Variants in KCNMB2 observed in about 807,000 individuals in gnomAD.
KCNMB2 encodes calcium-activated potassium channel subunit beta-2.
Under a neutral mutation model 24.5 loss-of-function variants are expected in KCNMB2, and 9 were observed. The observed-to-expected ratio is 0.37, with a 90% CI of 0.22 to 0.64. The LOEUF (loss-of-function observed/expected upper bound fraction) is 0.64, where lower values mean the gene tolerates loss of function less well. Among genes scored for constraint, KCNMB2 ranks in the 30% least tolerant of loss-of-function variants. The pLI, the probability that KCNMB2 is intolerant of heterozygous loss-of-function variation, is 0.63. For synonymous variants in KCNMB2, 109 were observed against 104.4 expected, an observed-to-expected ratio of 1.04 and a Z score of -0.27; for missense variants, 226 against 284.3, an observed-to-expected ratio of 0.79 and a Z score of 1.47.
At chr3:178,700,643 T>A (rs1722053991) in intron 1 of KCNMB2, among the ~76,000 whole-genome samples, 1 of 152,176 alleles carries the variant, frequency 6.6e-6, no homozygotes. Context: ...CTAATATGAC[T>A]GAGATTTAGG....
chr3:178,793,619 C>T (rs1362299492), intron 1 of KCNMB2, among the ~76,000 whole-genome samples: 7 of 152,178 alleles, frequency 4.6e-5, no homozygotes, highest in Non-Finnish European at 8.8e-5. Context: ...TGAAGCACCA[C>T]GGCATGAAAT....
In KCNMB2 at chr3:178,581,657, A is replaced by G. The variant is rs148031645; in HGVS notation, c.-68+44946A>G. 5.1e-3 allele frequency among the ~76,000 whole-genome samples: 773 copies of G among 152,350 alleles called. 7 individuals are homozygous for G. The highest frequency in any genetic ancestry group is 0.018 in the African/African-American group (739 of 41,584). On this transcript the variant is annotated intron_variant, in intron 1 of 4. Coordinates refer to ENST00000452583, the MANE Select transcript of KCNMB2 (RefSeq NM_181361.3). Reference sequence around the variant, plus strand: ...AATATCTAGAATCTACAAGGAGCTTAAACAAATTTGCAAGAAAAAAGAACA... The same window carrying G: ...AATATCTAGAATCTACAAGGAGCTTGAACAAATTTGCAAGAAAAAAGAACA...
At chr3:178,712,114 T>C (rs1362095719) in intron 1 of KCNMB2, among the ~76,000 whole-genome samples, 1 of 152,174 alleles carries the variant, frequency 6.6e-6, no homozygotes. Flanking sequence ...TTTGAAAAGG[T>C]CTCTACCTTA....
At chr3:178,705,739 C>G (rs1219713571) in intron 1 of KCNMB2, among the ~76,000 whole-genome samples, 1 of 152,102 alleles carries the variant, frequency 6.6e-6, no homozygotes, top group Non-Finnish European at 1.5e-5. Flanking sequence ...CATTCCTATG[C>G]TTTTGAATGG....
At chr3:178,770,090 C>A (rs1351605339) in intron 1 of KCNMB2, among the ~76,000 whole-genome samples, 2 of 152,208 alleles carry the variant, frequency 1.3e-5, no homozygotes, top group Non-Finnish European at 2.9e-5. Context: ...TGACATATGT[C>A]TACATAGTTA....
At chr3:178,801,433 T>G (rs937787655) in intron 1 of KCNMB2, among the ~76,000 whole-genome samples, 1 of 152,212 alleles carries the variant, frequency 6.6e-6, no homozygotes, top group African/African-American at 2.4e-5. Context: ...AATGCACTCT[T>G]CTTTTCCTCT....
At chr3:178,736,184 T>C (rs1723310932) in intron 1 of KCNMB2, among the ~76,000 whole-genome samples, 1 of 152,196 alleles carries the variant, frequency 6.6e-6, no homozygotes, top group Admixed American at 6.5e-5. Flanking sequence ...TTGAAACTAG[T>C]ATTTCAAATA....
intron 1 of KCNMB2, among the ~76,000 whole-genome samples, chr3:178,554,522 T>A (rs1035019585): frequency 1.3e-5 from 2 of 152,210 alleles, no homozygotes; most frequent in South Asian, 2.1e-4. Flanking sequence ...TAGAACCTTA[T>A]TAGAAATGTC....
chr3:178,806,284 C>A (rs1392180935), intron 1 of KCNMB2, among the ~76,000 whole-genome samples: 1 of 152,168 alleles, frequency 6.6e-6, no homozygotes, highest in Non-Finnish European at 1.5e-5. Context: ...AATATCACTA[C>A]CCACCTTGCA....
At chr3:178,807,705 G>A (rs1469587127) in intron 2 of KCNMB2, among the ~76,000 whole-genome samples, 4 of 152,034 alleles carry the variant, frequency 2.6e-5, no homozygotes, top group African/African-American at 9.7e-5. Flanking sequence ...CATGTCACAA[G>A]CTCTTTGCTT....
At chr3:178,760,971 A>G (rs965906233) in intron 1 of KCNMB2, among the ~76,000 whole-genome samples, 11 of 152,164 alleles carry the variant, frequency 7.2e-5, no homozygotes, top group Non-Finnish European at 1.6e-4. Context: ...ACCACTTGCA[A>G]TTCTGGGCTC....
intron 1 of KCNMB2, among the ~76,000 whole-genome samples, chr3:178,785,715 C>T (rs1326918406): frequency 6.6e-6 from 1 of 152,050 alleles, no homozygotes; most frequent in Non-Finnish European, 1.5e-5. Context: ...ACTTATTCAA[C>T]TGCACACTAA....
rs1398234096 is a variant in KCNMB2 at position 178,722,761 on chromosome 3, T to C, written c.-67-84582T>C. ...TACAAAAATTATCTGGGTGTGGTGA[T>C]GCATGCTTGTGGTCCCAGTTACTCA... On this transcript the variant is annotated intron_variant, in intron 1 of 4. Transcript: ENST00000452583. Among the ~76,000 whole-genome samples the C allele has an allele frequency of 5.3e-5, 8 of 152,224 alleles. No homozygotes were observed. The East Asian group carries it at 9.7e-4, about 18-fold the overall frequency.
chr3:178,704,215 C>G (rs1722201994), intron 1 of KCNMB2, among the ~76,000 whole-genome samples: 1 of 151,942 alleles, frequency 6.6e-6, no homozygotes, highest in Non-Finnish European at 1.5e-5. Flanking sequence ...ATCACACTCC[C>G]AAACAAACAT....
chr3:178,619,028 A>G (rs934182597), intron 1 of KCNMB2, among the ~76,000 whole-genome samples: 1 of 152,226 alleles, frequency 6.6e-6, no homozygotes, highest in Admixed American at 6.5e-5. Context: ...TGTCCTAAAA[A>G]GTTTTCTCTA....
At chr3:178,581,097 C>T (rs1468337598) in intron 1 of KCNMB2, among the ~76,000 whole-genome samples, 3 of 152,154 alleles carry the variant, frequency 2.0e-5, no homozygotes, top group Non-Finnish European at 4.4e-5. Context: ...GGAGGCATCA[C>T]ACTATCTGAC....
chr3:178,763,022 A>G (rs918428388), intron 1 of KCNMB2, among the ~76,000 whole-genome samples: 1 of 152,112 alleles, frequency 6.6e-6, no homozygotes, highest in African/African-American at 2.4e-5. Context: ...CTTGGAAGTC[A>G]CTTAGCGATA....
intron 1 of KCNMB2, among the ~76,000 whole-genome samples, chr3:178,762,774 G>A (rs1182729701): frequency 6.9e-6 from 1 of 145,122 alleles, no homozygotes; most frequent in Non-Finnish European, 1.5e-5. Context: ...TGATGAAATA[G>A]AAAAAGAAAT....
At chr3:178,620,233 A>G (rs1718859020) in intron 1 of KCNMB2, among the ~76,000 whole-genome samples, 1 of 133,574 alleles carries the variant, frequency 7.5e-6, no homozygotes, top group African/African-American at 3.1e-5. Context: ...TTAAGTTCTC[A>G]ATATTCATAC....
Sources: gnomAD v4.1 joint callset for allele counts (sites outside exome capture counted in the v4.1 genomes callset) on GRCh38, gnomAD v4.1.1 for gene constraint, MANE v1.5 for transcripts, NCBI Gene and HGNC (gene_info 2026-07-23, HGNC 2026-07-21) for gene names.